RDH13: variants seen among roughly 807,000 people sequenced by gnomAD.
The protein encoded by RDH13 is retinol dehydrogenase 13 (all-trans and 9-cis).
RDH13 carries 35 observed loss-of-function variants against 28.3 expected under a neutral mutation model. That is an observed-to-expected ratio of 1.24 (90% CI 0.95 to 1.64). The LOEUF (loss-of-function observed/expected upper bound fraction) is 1.64, where lower values mean the gene tolerates loss of function less well. Among genes scored for constraint, RDH13 ranks in the 40% most tolerant of loss-of-function variants. The pLI, the probability that RDH13 is intolerant of heterozygous loss-of-function variation, is 0.00. For missense variants in RDH13, 514 were observed against 446.3 expected, an observed-to-expected ratio of 1.15 and a Z score of -1.37; for synonymous variants, 229 against 198.5, an observed-to-expected ratio of 1.15 and a Z score of -1.29.
downstream of RDH13, chr19:55,041,756 A>G (rs2075036259): frequency 6.6e-6 from 1 of 152,222 alleles, no homozygotes; most frequent in Admixed American, 6.5e-5. Context: ...CGTGCGGTTC[A>G]CGGGCTGTGT....
chr19:55,062,085 C>G (rs1487757628), intron 1 of RDH13, among the ~76,000 whole-genome samples: 6 of 151,708 alleles, frequency 4.0e-5, no homozygotes, highest in Admixed American at 4.0e-4. Flanking sequence ...CCATTGCACT[C>G]CAGCCTGGGC....
chr19:55,064,289 C>CGG (rs2075899853), upstream of RDH13: 2 of 152,014 alleles, frequency 1.3e-5, no homozygotes, highest in Non-Finnish European at 2.9e-5. Context: ...GATGTGGTGG[C>CGG]ACTCACCTGT....
chr19:55,048,142 TCAG>T, intron 5 of RDH13, 184 bp downstream of exon 5: 1 of 1,533,698 alleles, frequency 6.5e-7, no homozygotes, highest in Non-Finnish European at 8.7e-7. Context: ...CAGACAATCC[TCAG>T]AAGAACGATC....
At chr19:55,065,963 C>G (rs2046689907), upstream of RDH13, among the ~76,000 whole-genome samples, 1 of 152,210 alleles carries the variant, frequency 6.6e-6, no homozygotes, top group Admixed American at 6.5e-5. Context: ...GGTGATCCAC[C>G]TGCCTCAGCC....
chr19:55,045,871 G>A (rs1354496394), intron 6 of RDH13, among the ~76,000 whole-genome samples: 4 of 150,818 alleles, frequency 2.7e-5, no homozygotes, highest in Non-Finnish European at 4.4e-5. Flanking sequence ...CCTTGAACCT[G>A]GGAGGCGGAG....
At chr19:55,062,296 G>C (rs2075832101) in intron 1 of RDH13, among the ~76,000 whole-genome samples, 1 of 152,162 alleles carries the variant, frequency 6.6e-6, no homozygotes, top group African/African-American at 2.4e-5. Flanking sequence ...AGCAACAGGA[G>C]GCTGAGCAGG....
rs200525958 is a variant in RDH13 at position 55,056,680 on chromosome 19, G to T, written c.313C>A (p.Arg105=). ...HLDLASLKSI[R]EFAAKIIEEE... ...TCAATGATCTTTGCTGCAAACTCTCGGATAGACTTGAGGGAAGCCAAGTCC... is the reference window on the plus strand; with the variant it reads ...TCAATGATCTTTGCTGCAAACTCTCTGATAGACTTGAGGGAAGCCAAGTCC... The change falls in exon 3 of 7, where the codon CGA becomes AGA. Residue 105 remains arginine, a synonymous_variant. Coordinates refer to ENST00000415061, the MANE Select transcript of RDH13 (RefSeq NM_001145971.2). 7.2e-4 allele frequency: 1,161 copies of T among 1,613,962 alleles called. No individual in the cohort carries two copies. Among genetic ancestry groups the T allele is most frequent in the African/African-American group, 8.8e-4 (66 of 74,974 alleles).
rs779437448 is a variant in RDH13, at chr19:55,048,576, T to C, written c.446-35A>G. The C allele has an allele frequency of 4.3e-6, 7 of 1,611,684 alleles. No homozygotes were observed. In the Admixed American group the frequency reaches 1.0e-4, roughly 23 times the overall value. On this transcript the variant is annotated intron_variant, in intron 4 of 6. Transcript: ENST00000415061. ...GGATGATGAAAAGGTCACTTTTGAC[T>C]CACACCTAAAATCCCAGCACTTTGG...
chr19:55,064,634 G>C (rs1365857611), upstream of RDH13, among the ~76,000 whole-genome samples: 1 of 151,352 alleles, frequency 6.6e-6, no homozygotes, highest in African/African-American at 2.4e-5. Context: ...TGTTTTTTGA[G>C]AGACAGTCTC....
In RDH13 at chr19:55,047,501, G is replaced by GA; in HGVS notation, c.659-14dup. On this transcript the variant is annotated splice_polypyrimidine_tract_variant and intron_variant, in intron 5 of 6. Transcript: ENST00000415061. ...GTCACACCAGAGCCTGGGGAAGAAAGAAAGAGAAGACTGAGGGAGGGGTCC... is the reference window on the plus strand; with the variant it reads ...GTCACACCAGAGCCTGGGGAAGAAAGAAAAGAGAAGACTGAGGGAGGGGTCC... 1 of 1,599,374 alleles carries GA rather than the reference G, an allele frequency of 6.3e-7. No homozygotes were observed. Among genetic ancestry groups the GA allele is most frequent in the South Asian group, 1.1e-5 (1 of 90,136 alleles).
Position 55,045,209 on chromosome 19 carries a change from G to C in RDH13, c.861C>G (p.Tyr287Ter), listed in dbSNP as rs757565961. The change falls in exon 7 of 7, where the codon TAC (tyrosine) becomes TAG (stop). Residue 287 changes from tyrosine (Y) to a stop codon, truncating the protein, a stop_gained. Coordinates refer to ENST00000415061, the MANE Select transcript of RDH13 (RefSeq NM_001145971.2). LOFTEE classifies it low-confidence loss of function (END_TRUNC). ...AEELADVSGK[Y>*]FDGLKQKAPA... is the part of the protein sequence containing the mutation. ...GGGCCTTCTGTTTGAGTCCATCGAA[G>C]TACTTTCCGGAAACATCCGCCAGTT... is the stretch of plus-strand genomic sequence containing the variant. 3 of 1,613,540 alleles carry C rather than the reference G, an allele frequency of 1.9e-6. No individual in the cohort carries two copies. In the East Asian group the frequency reaches 6.7e-5, roughly 36 times the overall value.
At chr19:55,066,152 A>G (rs994871280), upstream of RDH13, among the ~76,000 whole-genome samples, 6 of 152,198 alleles carry the variant, frequency 3.9e-5, no homozygotes, top group Admixed American at 2.0e-4. Context: ...TCCTCCTCTG[A>G]GGATCTCCTA....
At chr19:55,057,154 A>G (rs1024150894) in intron 2 of RDH13, among the ~76,000 whole-genome samples, 1 of 152,186 alleles carries the variant, frequency 6.6e-6, no homozygotes, top group Non-Finnish European at 1.5e-5. Context: ...TTCTATGTAT[A>G]TGATTTCACA....
chr19:55,069,107 G>T (rs1414708984), intron 1 of RDH13, among the ~76,000 whole-genome samples: 2 of 142,146 alleles, frequency 1.4e-5, no homozygotes, highest in African/African-American at 5.2e-5. Flanking sequence ...CAGAGACCTG[G>T]GAAGGAGCCA....
intron 3 of RDH13, among the ~76,000 whole-genome samples, chr19:55,051,729 G>GTT (rs79209121): frequency 2.8e-5 from 4 of 143,526 alleles, no homozygotes; most frequent in African/African-American, 5.1e-5. Flanking sequence ...CGCCCAGCCT[G>GTT]TTTTTTTTTT....
rs1363201977 is a variant in RDH13, at chr19:55,044,830, G to A, written c.*244C>T. On this transcript the variant is annotated 3_prime_UTR_variant, in exon 7 of 7. Coordinates refer to ENST00000415061, the MANE Select transcript of RDH13 (RefSeq NM_001145971.2). ...CCATTCCCAGTTTAGATTCCCAGGG[G>A]AAGCATCAGATGGCCCCTCTCCCCT... The A allele has an allele frequency of 6.4e-6, 3 of 466,698 alleles. No individual in the cohort carries two copies. The highest frequency in any genetic ancestry group is 1.1e-5 in the Non-Finnish European group (3 of 266,920). The allele number at this position is 466,698 out of a possible 1,614,324, so 28.9% of individuals were successfully genotyped here.
chr19:55,068,208 C>T (rs1394675969), intron 1 of RDH13, among the ~76,000 whole-genome samples: 1 of 151,998 alleles, frequency 6.6e-6, no homozygotes, highest in Admixed American at 6.6e-5. Flanking sequence ...TCCCTACACA[C>T]ATCTTGAGAG....
chr19:55,060,741 C>A (rs573950307), intron 1 of RDH13, among the ~76,000 whole-genome samples: 1 of 152,024 alleles, frequency 6.6e-6, no homozygotes, highest in African/African-American at 2.4e-5. Context: ...GGCTGAGGCA[C>A]GAGAATTGCT....
In RDH13 at chr19:55,048,774, G is replaced by C. The variant is rs1038020598; in HGVS notation, c.341-11C>G. On this transcript the variant is annotated splice_polypyrimidine_tract_variant and intron_variant, in intron 3 of 6. Coordinates refer to ENST00000415061, the MANE Select transcript of RDH13 (RefSeq NM_001145971.2). ...CCACTCGCTCCTCCTCTGGAAGAGA[G>C]GGGTGGAGGAGGAGACATCCCGGTG... The C allele has an allele frequency of 1.2e-6, 2 of 1,611,082 alleles. No homozygotes were observed. The highest frequency in any genetic ancestry group is 1.7e-6 in the Non-Finnish European group (2 of 1,177,672).
Sources: gnomAD v4.1 joint callset for allele counts (sites outside exome capture counted in the v4.1 genomes callset) on GRCh38, gnomAD v4.1.1 for gene constraint, MANE v1.5 for transcripts, NCBI Gene and HGNC (gene_info 2026-07-23, HGNC 2026-07-21) for gene names.